The following PRKD1 variants were observed in gnomAD, a reference collection of about 807,000 sequenced individuals.
The protein encoded by PRKD1 is serine/threonine-protein kinase D1.
PRKD1 carries 63 observed loss-of-function variants against 95.9 expected under a neutral mutation model. The observed-to-expected ratio is 0.66, with a 90% CI of 0.54 to 0.81. The LOEUF (loss-of-function observed/expected upper bound fraction) is 0.81. Among genes scored for constraint, PRKD1 ranks in the 30% least tolerant of loss-of-function variants. The pLI is 0.00. For synonymous variants in PRKD1, 425 were observed against 423.1 expected, an observed-to-expected ratio of 1.00 and a Z score of -0.05; for missense variants, 1,048 against 1,165.3, an observed-to-expected ratio of 0.90 and a Z score of 1.47.
intron 1 of PRKD1, among the ~76,000 whole-genome samples, chr14:29,830,965 A>G (rs1169579076): frequency 2.6e-5 from 4 of 152,222 alleles, no homozygotes; most frequent in African/African-American, 9.6e-5. Context: ...GTTTATAGGC[A>G]TGACCCACTG....
intron 3 of PRKD1, among the ~76,000 whole-genome samples, chr14:29,665,182 A>G (rs1363167807): frequency 6.6e-6 from 1 of 152,214 alleles, no homozygotes; most frequent in Admixed American, 6.5e-5. Flanking sequence ...ACACTATTGT[A>G]GAGGGCACAA....
In PRKD1 at chr14:29,577,130, TG is replaced by T; in HGVS notation, c.*107del. 8.6e-7 allele frequency: 1 copy of T among 1,157,342 alleles called. No individual in the cohort carries two copies. Among genetic ancestry groups the T allele is most frequent in the Non-Finnish European group, 1.2e-6 (1 of 801,560 alleles). The allele number at this position is 1,157,342 out of a possible 1,614,324, so 71.7% of individuals were successfully genotyped here. A position where few individuals can be genotyped will look rare whatever the true frequency, so the allele number is the denominator to read the frequency against. Reference sequence around the variant, plus strand: ...AACAGTGCTAACAGTTTAACAGCTTTGTTCTCATCTGACAGAAAATAATGGC... The same window carrying T: ...AACAGTGCTAACAGTTTAACAGCTTTTTCTCATCTGACAGAAAATAATGGC... On this transcript the variant is annotated 3_prime_UTR_variant, in exon 18 of 18. Transcript: ENST00000331968.
Position 29,577,432 on chromosome 14 carries a change from G to C in PRKD1, c.2545C>G (p.Arg849Gly). Residue 849 changes from arginine to glycine, a missense_variant, in exon 18 of 18, where the codon CGA (arginine) becomes GGA (glycine). Physicochemically the swap from Arg to Gly is moderately radical, Grantham distance 125. Transcript: ENST00000331968. ...TCCCCGATTTTGCATTCCAGCTCTC[G>C]CAAATCTAACCAGGTCTGATAGTCC... Reference protein sequence around the residue: ...LQDYQTWLDLRELECKIGERY... With the variant: ...LQDYQTWLDLGELECKIGERY... The C allele has an allele frequency of 1.9e-6, 3 of 1,613,600 alleles. No homozygotes were observed. The highest frequency in any genetic ancestry group is 2.5e-6 in the Non-Finnish European group (3 of 1,179,748).
In PRKD1 at chr14:29,711,870, T is replaced by C. The variant is rs925633139; in HGVS notation, c.403+13666A>G. On this transcript the variant is annotated intron_variant, in intron 2 of 17. Transcript: ENST00000331968. Reference sequence around the variant, plus strand: ...ATGCCCTGACTTCACAGAAAGCAAATAATTGTTTACTGGTCAGTTCTCACA... The same window carrying C: ...ATGCCCTGACTTCACAGAAAGCAAACAATTGTTTACTGGTCAGTTCTCACA... 2.6e-5 allele frequency among the ~76,000 whole-genome samples: 4 copies of C among 152,162 alleles called. No individual in the cohort carries two copies. The South Asian group carries it at 8.3e-4, about 32-fold the overall frequency.
chr14:29,723,737 G>T (rs868449860), intron 2 of PRKD1, among the ~76,000 whole-genome samples: 42 of 151,962 alleles, frequency 2.8e-4, no homozygotes, highest in African/African-American at 9.9e-4. Flanking sequence ...CAATGACTTT[G>T]GGAAAATGGC....
intron 1 of PRKD1, among the ~76,000 whole-genome samples, chr14:29,830,922 G>A (rs1194375912): frequency 6.6e-6 from 1 of 152,048 alleles, no homozygotes; most frequent in Non-Finnish European, 1.5e-5. Flanking sequence ...TGGGCTAGAG[G>A]GATCTGCCTG....
At chr14:29,729,869 T>C (rs1886346165) in intron 1 of PRKD1, among the ~76,000 whole-genome samples, 1 of 151,960 alleles carries the variant, frequency 6.6e-6, no homozygotes, top group African/African-American at 2.4e-5. Context: ...TTTTCTATCA[T>C]ACCATATATA....
rs1309062742 is a variant in PRKD1 at position 29,578,308 on chromosome 14, A to ACT, written c.2485_2486dup (p.Ser829ArgfsTer7). 1 of 1,610,358 alleles carries ACT rather than the reference A, an allele frequency of 6.2e-7. No individual in the cohort carries two copies. The highest frequency in any genetic ancestry group is 8.5e-7 in the Non-Finnish European group (1 of 1,178,666). Reference sequence around the variant, plus strand: ...AAGGGTGGCTCAAGGTCTTATCCACACTGTAGCGCTTTCTCATTTTTACTT... The same window carrying ACT: ...AAGGGTGGCTCAAGGTCTTATCCACACTCTGTAGCGCTTTCTCATTTTTACTT... On this transcript the variant is annotated frameshift_variant, in exon 17 of 18. Coordinates refer to ENST00000331968, the MANE Select transcript of PRKD1 (RefSeq NM_002742.3). LOFTEE classifies it high-confidence loss of function.
chr14:29,595,968 C>T (rs894469355), intron 16 of PRKD1, among the ~76,000 whole-genome samples: 5 of 152,180 alleles, frequency 3.3e-5, no homozygotes, highest in Admixed American at 1.3e-4. Flanking sequence ...GGGAAAGAAA[C>T]TTAATTACAC....
intron 1 of PRKD1, among the ~76,000 whole-genome samples, chr14:29,766,523 A>G (rs902433100): frequency 1.3e-5 from 2 of 152,186 alleles, no homozygotes; most frequent in African/African-American, 4.8e-5. Context: ...AATTTCATCA[A>G]TGCTAAACAG....
Position 29,826,857 on chromosome 14 carries a change from A to G in PRKD1, c.264+100392T>C, listed in dbSNP as rs866431389. On this transcript the variant is annotated intron_variant, in intron 1 of 17. Transcript: ENST00000331968. ...TATATATACACACATATATATATATATATATATATATATATATATGATGGA... is the reference window on the plus strand; with the variant it reads ...TATATATACACACATATATATATATGTATATATATATATATATATGATGGA... Among the ~76,000 whole-genome samples the G allele has an allele frequency of 1.6e-4, 16 of 99,080 alleles. 1 individual carries two copies. Among genetic ancestry groups the G allele is most frequent in the Admixed American group, 8.3e-4 (7 of 8,454 alleles). The allele number at this position is 99,080 out of a possible 152,430, so 65.0% of individuals were successfully genotyped here. A position where few individuals can be genotyped will look rare whatever the true frequency, so the allele number is the denominator to read the frequency against.
At chr14:29,784,250 T>C (rs1010662336) in intron 1 of PRKD1, among the ~76,000 whole-genome samples, 1 of 152,172 alleles carries the variant, frequency 6.6e-6, no homozygotes, top group African/African-American at 2.4e-5. Context: ...TATATGCTCT[T>C]GGTACTTTTG....
intron 2 of PRKD1, among the ~76,000 whole-genome samples, chr14:29,701,351 C>T (rs1010352340): frequency 6.6e-6 from 1 of 152,182 alleles, no homozygotes; most frequent in Non-Finnish European, 1.5e-5. Context: ...GTCTGATGCA[C>T]AGTACACTTG....
chr14:29,603,062 T>C (rs1025325709), intron 13 of PRKD1, among the ~76,000 whole-genome samples: 3 of 152,198 alleles, frequency 2.0e-5, no homozygotes, highest in Non-Finnish European at 4.4e-5. Context: ...TTTTTAAAAA[T>C]ACATGTTCAA....
At chr14:29,923,415 C>T (rs1378215534) in intron 1 of PRKD1, among the ~76,000 whole-genome samples, 1 of 152,026 alleles carries the variant, frequency 6.6e-6, no homozygotes, top group East Asian at 1.9e-4. Flanking sequence ...TGATCAAGCA[C>T]CTAATTACTT....
intron 1 of PRKD1, among the ~76,000 whole-genome samples, chr14:29,780,781 A>G (rs1030125928): frequency 6.6e-6 from 1 of 152,162 alleles, no homozygotes; most frequent in Non-Finnish European, 1.5e-5. Context: ...CAGCCATCCC[A>G]TTACTGGGTA....
At chr14:29,611,125 C>A (rs762326157) in intron 13 of PRKD1, among the ~76,000 whole-genome samples, 4 of 152,044 alleles carry the variant, frequency 2.6e-5, no homozygotes, top group East Asian at 1.9e-4. Flanking sequence ...CAAGAGTAAA[C>A]CATGATGTAA....
chr14:29,638,866 C>T lies in PRKD1; in HGVS notation c.735G>A (p.Lys245=), dbSNP rs142370647. 13 of 1,570,684 alleles carry T rather than the reference C, an allele frequency of 8.3e-6. No homozygotes were observed. Among genetic ancestry groups the T allele is most frequent in the Non-Finnish European group, 1.0e-5 (12 of 1,148,804 alleles). Residue 245 remains lysine (K), a synonymous_variant, in exon 5 of 18, where the codon AAG becomes AAA. Coordinates refer to ENST00000331968, the MANE Select transcript of PRKD1 (RefSeq NM_002742.3). The part of the protein sequence containing the change: ...SPSESFIGRE[K]RSNSQSYIGR... Reference sequence around the variant, plus strand: ...CAATGTATGATTGAGAATTTGACCTCTTCTCTCGACCAATAAACGACTCTG... The same window carrying T: ...CAATGTATGATTGAGAATTTGACCTTTTCTCTCGACCAATAAACGACTCTG...
chr14:29,768,051 C>T (rs1888333628), intron 1 of PRKD1, among the ~76,000 whole-genome samples: 2 of 152,098 alleles, frequency 1.3e-5, no homozygotes, highest in Admixed American at 6.6e-5. Flanking sequence ...TCACCTAAAT[C>T]ATTGATAAAC....
Sources: allele counts gnomAD v4.1 joint callset (sites outside exome capture counted in the v4.1 genomes callset), GRCh38; gene constraint gnomAD v4.1.1; transcripts MANE v1.5; gene names NCBI Gene and HGNC (gene_info 2026-07-23, HGNC 2026-07-21).